MAPK4: variants seen among roughly 807,000 people sequenced by gnomAD.
MAPK4 encodes Erk3-related.
Under a neutral mutation model 47.7 loss-of-function variants are expected in MAPK4, and 22 were observed. The ratio of observed to expected loss-of-function variants is 0.46; its 90% CI spans 0.33 to 0.66. MAPK4 has a LOEUF of 0.66. Among genes scored for constraint, MAPK4 ranks in the 30% least tolerant of loss-of-function variants. The pLI is 0.02. For synonymous variants in MAPK4, 390 were observed against 365.7 expected (o/e 1.07, Z -0.76); for missense variants, 736 against 831.7 (o/e 0.88, Z 1.42).
At chr18:50,709,108 C>T (rs748723844) in intron 2 of MAPK4, among the ~76,000 whole-genome samples, 5 of 152,186 alleles carry the variant, frequency 3.3e-5, no homozygotes, top group Admixed American at 6.5e-5. Flanking sequence ...GCAGCTCTCA[C>T]GCCCACCCCT....
At chr18:50,561,315 G>A (rs909611076) in intron 1 of MAPK4, among the ~76,000 whole-genome samples, 3 of 152,214 alleles carry the variant, frequency 2.0e-5, no homozygotes, top group Admixed American at 6.5e-5. Context: ...CCATTTACTG[G>A]GAGGTTACTG....
chr18:50,675,279 C>T (rs1254927992), intron 2 of MAPK4, among the ~76,000 whole-genome samples: 1 of 152,028 alleles, frequency 6.6e-6, no homozygotes, highest in African/African-American at 2.4e-5. Context: ...TCACACTATC[C>T]TGACTGCCCT....
At chr18:50,570,155 C>T (rs1009085742) in intron 1 of MAPK4, among the ~76,000 whole-genome samples, 1 of 152,226 alleles carries the variant, frequency 6.6e-6, no homozygotes, top group Non-Finnish European at 1.5e-5. Flanking sequence ...AAGTGACCAG[C>T]TGCTCTTTGC....
chr18:50,618,989 G>A (rs555389270), intron 1 of MAPK4, among the ~76,000 whole-genome samples: 1 of 152,294 alleles, frequency 6.6e-6, no homozygotes, highest in South Asian at 2.1e-4. Flanking sequence ...ATTGGTTAAA[G>A]TCATTACATG....
chr18:50,600,951 T>G (rs2042531214), intron 1 of MAPK4, among the ~76,000 whole-genome samples: 2 of 151,994 alleles, frequency 1.3e-5, no homozygotes, highest in Admixed American at 1.3e-4. Context: ...ACTTTAGTAT[T>G]GTTCACGATT....
intron 1 of MAPK4, among the ~76,000 whole-genome samples, chr18:50,574,049 A>G (rs1235089463): frequency 1.3e-5 from 2 of 152,172 alleles, no homozygotes; most frequent in Non-Finnish European, 2.9e-5. Flanking sequence ...GCGTTCTTTT[A>G]TCCCTGGTAA....
chr18:50,575,816 A>G (rs544064305), intron 1 of MAPK4, among the ~76,000 whole-genome samples: 78 of 149,704 alleles, frequency 5.2e-4, no homozygotes, highest in African/African-American at 1.8e-3. Flanking sequence ...AAAAAAAACC[A>G]TTAAAAAGTT....
At chr18:50,676,864 G>T (rs1468568674) in intron 2 of MAPK4, among the ~76,000 whole-genome samples, 2 of 152,220 alleles carry the variant, frequency 1.3e-5, no homozygotes, top group African/African-American at 4.8e-5. Context: ...ATGATCATAA[G>T]TTTAAAACAA....
chr18:50,708,154 C>T (rs762064938), intron 2 of MAPK4, among the ~76,000 whole-genome samples: 1 of 151,958 alleles, frequency 6.6e-6, no homozygotes, highest in Non-Finnish European at 1.5e-5. Context: ...AATGAGTTTG[C>T]TATTTGGCTG....
chr18:50,589,537 A>C (rs62093372), intron 1 of MAPK4, among the ~76,000 whole-genome samples: 1 of 149,566 alleles, frequency 6.7e-6, no homozygotes, highest in South Asian at 2.1e-4. Context: ...CGGAGCTTGC[A>C]GTGAGCCGAG....
intron 5 of MAPK4, 46 bp downstream of exon 5, chr18:50,726,221 C>T (rs373981198): frequency 8.0e-4 from 1,266 of 1,583,090 alleles, no homozygotes; most frequent in Non-Finnish European, 1.1e-3. Context: ...CCTGTCCTCC[C>T]ATCTCTATTT....
rs1465675843 is a variant in MAPK4, at chr18:50,610,209, C to T, written c.-871+49966C>T. Reference sequence around the variant, plus strand: ...AACATAGAGATATAACCACAGGAAGCAGCCGCCACCCCCAAGGCCAAGGGA... The same window carrying T: ...AACATAGAGATATAACCACAGGAAGTAGCCGCCACCCCCAAGGCCAAGGGA... On this transcript the variant is annotated intron_variant, in intron 1 of 5. Transcript: ENST00000400384. Among the ~76,000 whole-genome samples, 113 of 152,212 alleles carry T rather than the reference C, an allele frequency of 7.4e-4. 3 individuals are homozygous for T. Among genetic ancestry groups the T allele is most frequent in the Admixed American group, 7.3e-3 (112 of 15,290 alleles).
chr18:50,580,495 T>C (rs2042334069), intron 1 of MAPK4, among the ~76,000 whole-genome samples: 1 of 152,238 alleles, frequency 6.6e-6, no homozygotes, highest in Admixed American at 6.5e-5. Flanking sequence ...GCTAATGACA[T>C]GCCCATGCTC....
At chr18:50,688,419 T>C (rs1008740504) in intron 2 of MAPK4, among the ~76,000 whole-genome samples, 1 of 152,180 alleles carries the variant, frequency 6.6e-6, no homozygotes, top group Admixed American at 6.5e-5. Flanking sequence ...AGAAAAGGCA[T>C]GTGGAGGCCC....
chr18:50,687,705 C>T (rs1908963072), intron 2 of MAPK4, among the ~76,000 whole-genome samples: 2 of 152,200 alleles, frequency 1.3e-5, no homozygotes, highest in African/African-American at 2.4e-5. Context: ...CGCCTGGCAA[C>T]TCGAGAAGAG....
chr18:50,564,918 C>T (rs1016225929), intron 1 of MAPK4, among the ~76,000 whole-genome samples: 5 of 152,154 alleles, frequency 3.3e-5, no homozygotes, highest in East Asian at 1.9e-4. Context: ...TTTAAGGAAA[C>T]GACAAAACGA....
chr18:50,563,525 T>G (rs963383139), intron 1 of MAPK4, among the ~76,000 whole-genome samples: 12 of 152,200 alleles, frequency 7.9e-5, no homozygotes, highest in African/African-American at 2.9e-4. Context: ...GACCTTTGTC[T>G]CCTGTCCTGG....
At chr18:50,658,325 T>A (rs2043133443) in intron 1 of MAPK4, among the ~76,000 whole-genome samples, 1 of 152,172 alleles carries the variant, frequency 6.6e-6, no homozygotes, top group South Asian at 2.1e-4. Flanking sequence ...TGGTTTGTGG[T>A]AAGAGTCACT....
At chr18:50,561,258 A>C (rs1189810508) in intron 1 of MAPK4, among the ~76,000 whole-genome samples, 2 of 152,210 alleles carry the variant, frequency 1.3e-5, no homozygotes, top group Non-Finnish European at 2.9e-5. Flanking sequence ...GGGGTTGATT[A>C]ATGTCACCCC....
Sources: gnomAD v4.1 joint callset for allele counts (sites outside exome capture counted in the v4.1 genomes callset) on GRCh38, gnomAD v4.1.1 for gene constraint, MANE v1.5 for transcripts, NCBI Gene and HGNC (gene_info 2026-07-23, HGNC 2026-07-21) for gene names.